Variants in ITGA2 observed in about 807,000 individuals in gnomAD.
ITGA2 encodes integrin alpha-2.
A neutral mutation model predicts 146.3 loss-of-function variants in ITGA2; 101 were observed. That is an observed-to-expected ratio of 0.69 (90% CI 0.59 to 0.81). The LOEUF is 0.81. Ranked by LOEUF, ITGA2 falls within the 40% of genes least tolerant of loss-of-function variation. The pLI is 0.00. For synonymous variants in ITGA2, 477 were observed against 487.1 expected (o/e 0.98, Z 0.27); for missense variants, 1,281 against 1,402.7 (o/e 0.91, Z 1.39).
rs1228818585 is a variant in ITGA2, at chr5:53,062,800, T to G, written c.1473T>G (p.Phe491Leu). 1 of 1,611,748 alleles carries G rather than the reference T, an allele frequency of 6.2e-7. No homozygotes were observed. The part of the protein sequence containing the change: ...AHRGDQIGSY[F>L]GSVLCSVDVD... ...TATTACTCCAGATTGGCTCCTATTT[T>G]GGTAGTGTGCTGTGTTCAGTTGATG... is the stretch of plus-strand genomic sequence containing the variant. Residue 491 changes from phenylalanine (F) to leucine (L), a missense_variant, in exon 13 of 30, where the codon TTT becomes TTG. Transcript: ENST00000296585.
intron 23 of ITGA2, among the ~76,000 whole-genome samples, chr5:53,075,982 T>C (rs1745646588): frequency 6.6e-6 from 1 of 152,070 alleles, no homozygotes; most frequent in Admixed American, 6.6e-5. Flanking sequence ...CACTGGTTGA[T>C]ACAGGCTGTC....
intron 1 of ITGA2, among the ~76,000 whole-genome samples, chr5:53,014,634 C>T (rs1161364425): frequency 6.6e-6 from 1 of 152,188 alleles, no homozygotes; most frequent in Non-Finnish European, 1.5e-5. Context: ...GGAAGGAGTC[C>T]CTCCTCCTCA....
At chr5:53,044,710 T>C (rs928232326) in intron 3 of ITGA2, among the ~76,000 whole-genome samples, 3 of 152,178 alleles carry the variant, frequency 2.0e-5, no homozygotes, top group Non-Finnish European at 4.4e-5. Context: ...AAATGTGTTT[T>C]GTTTTGCTAG....
At chr5:53,062,958 T>C in intron 13 of ITGA2, 29 bp downstream of exon 13, 1 of 1,568,566 alleles carries the variant, frequency 6.4e-7, no homozygotes, top group East Asian at 2.3e-5. Flanking sequence ...ACTAATAGTT[T>C]AATTTGCTTT....
chr5:53,079,756 G>A (rs758134633), intron 24 of ITGA2, among the ~76,000 whole-genome samples: 10 of 152,148 alleles, frequency 6.6e-5, no homozygotes, highest in East Asian at 5.8e-4. Flanking sequence ...TTCAATTCGC[G>A]GTAATAACAT....
At chr5:53,052,978 G>C (rs977371046) in intron 7 of ITGA2, among the ~76,000 whole-genome samples, 1 of 152,076 alleles carries the variant, frequency 6.6e-6, no homozygotes, top group African/African-American at 2.4e-5. Flanking sequence ...TATTTGGAGT[G>C]TTGGCTCACT....
chr5:53,056,808 C>T (rs1249412358), intron 9 of ITGA2, among the ~76,000 whole-genome samples: 4 of 151,430 alleles, frequency 2.6e-5, no homozygotes, highest in Non-Finnish European at 5.9e-5. Flanking sequence ...CTAGCACACA[C>T]TTCACAGTTG....
At chr5:53,028,360 A>G (rs941448570) in intron 2 of ITGA2, among the ~76,000 whole-genome samples, 5 of 152,226 alleles carry the variant, frequency 3.3e-5, no homozygotes, top group South Asian at 2.1e-4. Flanking sequence ...GACTTAGAAA[A>G]CAATGCATGT....
intron 1 of ITGA2, among the ~76,000 whole-genome samples, chr5:52,994,232 A>T (rs2111658842): frequency 6.6e-6 from 1 of 152,270 alleles, no homozygotes; most frequent in Non-Finnish European, 1.5e-5. Context: ...TGGCTGAGAG[A>T]GGTTGGAGTT....
chr5:52,992,286 G>A (rs1030372939), intron 1 of ITGA2, among the ~76,000 whole-genome samples: 1 of 151,996 alleles, frequency 6.6e-6, no homozygotes, highest in Non-Finnish European at 1.5e-5. Flanking sequence ...TGTTTGCAGA[G>A]TTTCATCCTG....
At chr5:53,069,711 C>T (rs1158955759) in intron 16 of ITGA2, among the ~76,000 whole-genome samples, 1 of 151,894 alleles carries the variant, frequency 6.6e-6, no homozygotes, top group East Asian at 1.9e-4. Flanking sequence ...GTATGGCATA[C>T]ATGAGAATGT....
In ITGA2 at chr5:53,059,988, G is replaced by A. The variant is rs1744825477; in HGVS notation, c.1288G>A (p.Asp430Asn). ...PKQAFDQILQ[D>N]RNHSSYLGYS... ...ACAAGCCTTTGACCAAATTCTGCAG[G>A]ACAGAAATCACAGTTCATATTTAGG... The change falls in exon 11 of 30, where the codon GAC (aspartate) becomes AAC (asparagine). Residue 430 changes from aspartate (D) to asparagine (N), a missense_variant. Asp to Asn is a conservative substitution (Grantham distance 23). Coordinates refer to ENST00000296585, the MANE Select transcript of ITGA2 (RefSeq NM_002203.4). The A allele has an allele frequency of 6.2e-7, 1 of 1,612,240 alleles. No individual in the cohort carries two copies.
At chr5:53,007,904 A>T (rs1022511750) in intron 1 of ITGA2, among the ~76,000 whole-genome samples, 1 of 152,210 alleles carries the variant, frequency 6.6e-6, no homozygotes, top group Non-Finnish European at 1.5e-5. Flanking sequence ...AAACAAAATG[A>T]AAACAACTTT....
At chr5:53,066,998 T>G in intron 15 of ITGA2, 120 bp from the exon 16 acceptor site, 1 of 998,776 alleles carries the variant, frequency 1.0e-6, no homozygotes, top group Non-Finnish European at 1.5e-6. Context: ...GCTAAAGTGC[T>G]TTGATAGAGA....
At chr5:53,030,634 A>C (rs552974281) in intron 2 of ITGA2, among the ~76,000 whole-genome samples, 1 of 152,356 alleles carries the variant, frequency 6.6e-6, no homozygotes, top group African/African-American at 2.4e-5. Context: ...AAGAAACAAG[A>C]GAGGCAAAAC....
At chr5:53,047,739 A>G (rs943067014) in intron 4 of ITGA2, among the ~76,000 whole-genome samples, 20 of 152,158 alleles carry the variant, frequency 1.3e-4, no homozygotes, top group African/African-American at 4.3e-4. Context: ...TGATGTCTAT[A>G]CCTGACCCCA....
intron 6 of ITGA2, among the ~76,000 whole-genome samples, 196 bp downstream of exon 6, chr5:53,048,966 C>G (rs948840296): frequency 6.6e-6 from 1 of 151,254 alleles, no homozygotes; most frequent in Non-Finnish European, 1.5e-5. Context: ...GTCTTTTGAC[C>G]TTAGAGTTCT....
chr5:53,045,999 T>C (rs1254522435), intron 4 of ITGA2, among the ~76,000 whole-genome samples: 3 of 151,702 alleles, frequency 2.0e-5, no homozygotes, highest in Non-Finnish European at 2.9e-5. Context: ...GAGACCAGCC[T>C]GGCCAACATG....
chr5:53,009,658 T>A (rs1371096792), intron 1 of ITGA2, among the ~76,000 whole-genome samples: 1 of 152,128 alleles, frequency 6.6e-6, no homozygotes, highest in African/African-American at 2.4e-5. Flanking sequence ...TCTAGATTGA[T>A]TATATATTTT....
Sources: gnomAD v4.1 joint callset for allele counts (sites outside exome capture counted in the v4.1 genomes callset) on GRCh38, gnomAD v4.1.1 for gene constraint, MANE v1.5 for transcripts, NCBI Gene and HGNC (gene_info 2026-07-23, HGNC 2026-07-21) for gene names.